KCNT2: variants seen among roughly 807,000 people sequenced by gnomAD.
The protein encoded by KCNT2 is potassium channel subfamily T member 2.
Under a neutral mutation model 153.8 loss-of-function variants are expected in KCNT2, and 67 were observed. The ratio of observed to expected loss-of-function variants is 0.44; its 90% confidence interval spans 0.36 to 0.53. The LOEUF is 0.53. Among genes scored for constraint, KCNT2 ranks in the 20% least tolerant of loss-of-function variants. KCNT2 has a pLI of 0.00. For missense variants in KCNT2, 975 were observed against 1,354.8 expected, an observed-to-expected ratio of 0.72 and a Z score of 4.40; for synonymous variants, 500 against 458.8, an observed-to-expected ratio of 1.09 and a Z score of -1.15.
At chr1:196,333,805 A>G (rs1452717629) in intron 17 of KCNT2, 42 bp downstream of exon 17, 17 of 1,249,594 alleles carry the variant, frequency 1.4e-5, no homozygotes, top group Non-Finnish European at 1.7e-5. Flanking sequence ...GGACATTAGC[A>G]CAAAACCCAG....
At position 196,425,865 on chromosome 1, in the gene KCNT2, G is replaced by C; in HGVS notation, c.1108C>G (p.Leu370Val). The change falls in exon 11 of 28, where the codon CTA (leucine) becomes GTA (valine). Residue 370 changes from leucine to valine, a missense_variant. Physicochemically the swap from Leu to Val is conservative, Grantham distance 32. Transcript: ENST00000294725. ...AGGGATACCTACTTTGCTCTCAATA[G>C]GTCTTGATCTTTAAGGGCTGAACCT... Reference protein sequence around the residue: ...LQGSALKDQDLLRAKMDDAEA... With the variant: ...LQGSALKDQDVLRAKMDDAEA... The C allele has an allele frequency of 6.2e-7, 1 of 1,612,284 alleles. No homozygotes were observed. Among genetic ancestry groups the C allele is most frequent in the Non-Finnish European group, 8.5e-7 (1 of 1,178,878 alleles).
chr1:196,553,907 A>T (rs1000693162), intron 1 of KCNT2, among the ~76,000 whole-genome samples: 35 of 151,298 alleles, frequency 2.3e-4, no homozygotes, highest in African/African-American at 8.2e-4. Context: ...GTTAAGAGGA[A>T]ATTGAAAAAT....
chr1:196,338,948 C>CAAAAA (rs976388530), intron 16 of KCNT2, among the ~76,000 whole-genome samples: 2 of 37,724 alleles, frequency 5.3e-5, no homozygotes, highest in African/African-American at 7.4e-5. Context: ...TGCTTTTTAG[C>CAAAAA]AAAAAAAAAA....
At chr1:196,257,936 G>T in intron 26 of KCNT2, 1 of 956,350 alleles carries the variant, frequency 1.0e-6, no homozygotes, top group Non-Finnish European at 1.2e-6. Flanking sequence ...CAGAGTTTTT[G>T]TGAAAATTAA....
intron 27 of KCNT2, among the ~76,000 whole-genome samples, chr1:196,232,494 A>G (rs1654041302): frequency 6.6e-6 from 1 of 151,700 alleles, no homozygotes; most frequent in Non-Finnish European, 1.5e-5. Flanking sequence ...CATGGTAGGC[A>G]TCTTTCAAAT....
At chr1:196,548,766 C>T (rs934709822) in intron 1 of KCNT2, among the ~76,000 whole-genome samples, 15 of 152,024 alleles carry the variant, frequency 9.9e-5, no homozygotes, top group East Asian at 1.9e-4. Flanking sequence ...AAATGTCCAA[C>T]AATGATAGAC....
At chr1:196,323,895 T>C (rs1400661349) in intron 19 of KCNT2, among the ~76,000 whole-genome samples, 1 of 151,280 alleles carries the variant, frequency 6.6e-6, no homozygotes, top group Non-Finnish European at 1.5e-5. Context: ...GAAAGCCTCA[T>C]TTTTTTTGTA....
chr1:196,309,059 T>A (rs1172351104), intron 21 of KCNT2, among the ~76,000 whole-genome samples: 1 of 151,906 alleles, frequency 6.6e-6, no homozygotes, highest in East Asian at 1.9e-4. Flanking sequence ...TATATGTATT[T>A]TTCTAGGGGT....
chr1:196,448,148 G>C (rs1020639490), intron 8 of KCNT2, among the ~76,000 whole-genome samples: 2 of 151,566 alleles, frequency 1.3e-5, no homozygotes, highest in Non-Finnish European at 3.0e-5. Flanking sequence ...AGCATGGTCA[G>C]AGAAACCCAG....
intron 22 of KCNT2, among the ~76,000 whole-genome samples, chr1:196,286,691 C>T (rs377032757): frequency 2.6e-5 from 4 of 151,270 alleles, no homozygotes; most frequent in Admixed American, 6.6e-5. Context: ...TGAATGCTTA[C>T]GAGTTGGGGG....
intron 20 of KCNT2, among the ~76,000 whole-genome samples, chr1:196,316,902 CA>C (rs1662781595): frequency 6.6e-6 from 1 of 151,642 alleles, no homozygotes; most frequent in Non-Finnish European, 1.5e-5. Flanking sequence ...TGAATGAGTA[CA>C]AGAATGTTCT....
At chr1:196,442,540 C>G (rs1350189393) in intron 8 of KCNT2, among the ~76,000 whole-genome samples, 1 of 151,632 alleles carries the variant, frequency 6.6e-6, no homozygotes, top group Non-Finnish European at 1.5e-5. Context: ...GACTTCCGTT[C>G]ATAGTGGAAT....
chr1:196,429,621 C>T lies in KCNT2; in HGVS notation c.775G>A (p.Val259Ile). Reference protein sequence around the residue: ...TPETWSSKLFVVAMICVALVV... With the variant: ...TPETWSSKLFIVAMICVALVV... ...AGAGCAACACAAATCATAGCAACTA[C>T]AAAAAGCTTGGAGGACCATGTTTCA... Residue 259 changes from valine to isoleucine, a missense_variant, in exon 9 of 28, where the codon GTA becomes ATA. Around this residue, in one of 6 missense-constraint regions of KCNT2, gnomAD observed 202 missense variants for 314.9 expected, o/e 0.64. Transcript: ENST00000294725. 2 of 1,612,568 alleles carry T rather than the reference C, an allele frequency of 1.2e-6. No homozygotes were observed. Among genetic ancestry groups the T allele is most frequent in the Non-Finnish European group, 1.7e-6 (2 of 1,179,314 alleles).
chr1:196,411,309 C>G (rs1347341895), intron 12 of KCNT2, among the ~76,000 whole-genome samples: 2 of 151,180 alleles, frequency 1.3e-5, no homozygotes, highest in Non-Finnish European at 3.0e-5. Flanking sequence ...GTTTTAATAA[C>G]TATAGCTTTG....
chr1:196,593,106 C>T (rs536313162), intron 1 of KCNT2, among the ~76,000 whole-genome samples: 1 of 150,524 alleles, frequency 6.6e-6, no homozygotes. Context: ...TCCCCAAAGT[C>T]CATCTATCAT....
chr1:196,263,968 C>A (rs545141020), intron 25 of KCNT2, among the ~76,000 whole-genome samples: 1 of 151,944 alleles, frequency 6.6e-6, no homozygotes, highest in East Asian at 1.9e-4. Flanking sequence ...GTGTTTAATT[C>A]AATCTCTACT....
intron 25 of KCNT2, among the ~76,000 whole-genome samples, chr1:196,272,926 T>C (rs752271311): frequency 4.0e-5 from 6 of 151,890 alleles, no homozygotes; most frequent in Non-Finnish European, 8.8e-5. Flanking sequence ...CTACAGTTAA[T>C]GTATCATATG....
intron 23 of KCNT2, 128 bp downstream of exon 23, chr1:196,285,529 C>A (rs1288135033): frequency 5.4e-6 from 3 of 555,556 alleles, no homozygotes; most frequent in East Asian, 3.0e-5. Flanking sequence ...AAATAAAATA[C>A]TGAATTACTT....
intron 13 of KCNT2, among the ~76,000 whole-genome samples, chr1:196,390,240 T>C (rs1044783386): frequency 3.3e-5 from 5 of 151,596 alleles, no homozygotes; most frequent in African/African-American, 1.2e-4. Context: ...TTCTGTATAG[T>C]ACAATAATTA....
Sources: gnomAD v4.1 joint callset for allele counts (sites outside exome capture counted in the v4.1 genomes callset) on GRCh38, gnomAD v4.1.1 for gene constraint, gnomAD v4.1.1 regional missense constraint, MANE v1.5 for transcripts, NCBI Gene and HGNC (gene_info 2026-07-23, HGNC 2026-07-21) for gene names.